ABCB1: variants seen among roughly 807,000 people sequenced by gnomAD.
The protein encoded by ABCB1 is ATP-dependent translocase ABCB1.
In ABCB1, 69 loss-of-function variants were observed where a neutral mutation model predicts 142.0. The ratio of observed to expected loss-of-function variants is 0.49; its 90% confidence interval spans 0.40 to 0.59. The LOEUF (loss-of-function observed/expected upper bound fraction) is 0.59, where lower values mean the gene tolerates loss of function less well. Among genes scored for constraint, ABCB1 ranks in the 20% least tolerant of loss-of-function variants. The pLI is 0.00. For synonymous variants in ABCB1, 532 were observed against 539.2 expected, an observed-to-expected ratio of 0.99 and a Z score of 0.18; for missense variants, 1,326 against 1,554.7, an observed-to-expected ratio of 0.85 and a Z score of 2.47.
intron 3 of ABCB1, among the ~76,000 whole-genome samples, chr7:87,588,082 G>C (rs187715653): frequency 2.6e-5 from 4 of 151,438 alleles, no homozygotes; most frequent in Middle Eastern, 3.5e-3. Context: ...GAAGGAAGGA[G>C]ATTAAAGTGA....
chr7:87,710,354 G>T (rs1829965944), intron 1 of ABCB1, among the ~76,000 whole-genome samples: 1 of 152,060 alleles, frequency 6.6e-6, no homozygotes, highest in South Asian at 2.1e-4. Context: ...TAGAAAGTTA[G>T]TTTGACATGC....
intron 1 of ABCB1, among the ~76,000 whole-genome samples, chr7:87,699,463 G>C (rs1828813249): frequency 6.6e-6 from 1 of 152,104 alleles, no homozygotes; most frequent in Non-Finnish European, 1.5e-5. Flanking sequence ...GGGTGCAGTG[G>C]CTCAACCTCA....
intron 16 of ABCB1, among the ~76,000 whole-genome samples, 194 bp from the exon 17 acceptor site, chr7:87,544,469 A>T (rs1304949301): frequency 6.6e-6 from 1 of 152,224 alleles, no homozygotes; most frequent in Non-Finnish European, 1.5e-5. Flanking sequence ...AAATTTTGCT[A>T]CAATACTCCT....
chr7:87,546,853 T>G (rs924464589), intron 14 of ABCB1, among the ~76,000 whole-genome samples: 4 of 152,208 alleles, frequency 2.6e-5, no homozygotes, highest in Non-Finnish European at 5.9e-5. Flanking sequence ...AAGGAAACTG[T>G]GTGAGACTCA....
At chr7:87,650,775 G>C (rs769387965) in intron 1 of ABCB1, 1 of 1,147,042 alleles carries the variant, frequency 8.7e-7, no homozygotes. Flanking sequence ...CATACTTAGG[G>C]AATGAATCAA....
chr7:87,701,335 T>C (rs1428464998), intron 1 of ABCB1, among the ~76,000 whole-genome samples: 2 of 152,244 alleles, frequency 1.3e-5, no homozygotes, highest in African/African-American at 2.4e-5. Context: ...AATGGTGAAA[T>C]TAAAGCTTTT....
chr7:87,553,407 G>A lies in ABCB1; in HGVS notation c.999+354C>T, dbSNP rs2235028. 5.9e-3 allele frequency among the ~76,000 whole-genome samples: 822 copies of A among 140,488 alleles called. 7 individuals are homozygous for A. The highest frequency in any genetic ancestry group is 0.021 in the African/African-American group (784 of 37,070). The allele number at this position is 140,488 out of a possible 152,430, so 92.2% of individuals were successfully genotyped here. On this transcript the variant is annotated intron_variant, in intron 9 of 27. Transcript: ENST00000622132. ...GCAATCTCAGGTCACTGCAAGCTCC[G>A]CCTCCCGGGTTAACGCCATTCTCTT...
intron 26 of ABCB1, among the ~76,000 whole-genome samples, chr7:87,508,537 G>C (rs1372100049): frequency 6.6e-6 from 1 of 152,120 alleles, no homozygotes; most frequent in Non-Finnish European, 1.5e-5. Flanking sequence ...AGGATGAGAG[G>C]TTCCATTTAT....
intron 18 of ABCB1, among the ~76,000 whole-genome samples, chr7:87,539,965 C>A (rs888961294): frequency 2.6e-5 from 4 of 152,166 alleles, no homozygotes; most frequent in African/African-American, 9.7e-5. Context: ...CCTCCAAACA[C>A]CTGTGGTATT....
chr7:87,639,274 A>AT (rs1199632554), intron 1 of ABCB1, among the ~76,000 whole-genome samples: 2 of 151,758 alleles, frequency 1.3e-5, no homozygotes, highest in Non-Finnish European at 2.9e-5. Flanking sequence ...ATTCTGAAAG[A>AT]TTTTGAGCTT....
At chr7:87,638,345 TTGTGTGTGTG>T (rs71524692) in intron 1 of ABCB1, among the ~76,000 whole-genome samples, 116 of 144,786 alleles carry the variant, frequency 8.0e-4, no homozygotes, top group Non-Finnish European at 1.4e-3. Flanking sequence ...AAGTATGTGT[TTGTGTGTGTG>T]TGTGTGTGTG....
intron 19 of ABCB1, 58 bp from the exon 20 acceptor site, chr7:87,536,599 A>C: frequency 2.6e-6 from 4 of 1,539,580 alleles, no homozygotes; most frequent in East Asian, 2.3e-5. Context: ...TCTCAGCTCC[A>C]AGAGGGCAGC....
intron 3 of ABCB1, among the ~76,000 whole-genome samples, chr7:87,595,238 A>G (rs1047343754): frequency 6.6e-6 from 1 of 152,186 alleles, no homozygotes; most frequent in Non-Finnish European, 1.5e-5. Flanking sequence ...CATCTGTTTA[A>G]CACAGGGGAA....
intron 1 of ABCB1, among the ~76,000 whole-genome samples, chr7:87,659,682 G>C (rs550426358): frequency 2.6e-5 from 4 of 152,148 alleles, no homozygotes; most frequent in Admixed American, 6.6e-5. Context: ...CACACAGTCC[G>C]GGGTATAAGA....
At chr7:87,546,383 T>C (rs1231680197) in intron 14 of ABCB1, among the ~76,000 whole-genome samples, 2 of 151,830 alleles carry the variant, frequency 1.3e-5, no homozygotes, top group African/African-American at 4.8e-5. Context: ...GGTCAGGAGA[T>C]CAAGACCATC....
chr7:87,668,666 G>A (rs890863746), intron 1 of ABCB1, among the ~76,000 whole-genome samples: 14 of 152,062 alleles, frequency 9.2e-5, no homozygotes, highest in Admixed American at 7.2e-4. Context: ...AGAGATTCTG[G>A]TATGTTGTAT....
chr7:87,587,737 T>C (rs1011553949), intron 3 of ABCB1, among the ~76,000 whole-genome samples: 1 of 151,736 alleles, frequency 6.6e-6, no homozygotes, highest in African/African-American at 2.4e-5. Flanking sequence ...TAGCCGGATG[T>C]GGTGGCAGGC....
intron 3 of ABCB1, among the ~76,000 whole-genome samples, chr7:87,593,410 T>C (rs1819074743): frequency 6.6e-6 from 1 of 152,254 alleles, no homozygotes; most frequent in African/African-American, 2.4e-5. Flanking sequence ...ACTTCTTTCA[T>C]CACTTTTTTA....
intron 1 of ABCB1, among the ~76,000 whole-genome samples, chr7:87,692,973 CTTTCATT>C (rs1485247605): frequency 6.6e-6 from 1 of 151,436 alleles, no homozygotes; most frequent in Non-Finnish European, 1.5e-5. Flanking sequence ...TATCTCCTTC[CTTTCATT>C]TTTCATGTCA....
Sources: allele counts gnomAD v4.1 joint callset (sites outside exome capture counted in the v4.1 genomes callset), GRCh38; gene constraint gnomAD v4.1.1; transcripts MANE v1.5; gene names NCBI Gene and HGNC (gene_info 2026-07-23, HGNC 2026-07-21).